The following PTK2 variants were observed in gnomAD, a reference collection of about 807,000 sequenced individuals.
The protein encoded by PTK2 is protein tyrosine kinase 2.
PTK2 carries 45 observed loss-of-function variants against 150.1 expected under a neutral mutation model. The ratio of observed to expected loss-of-function variants is 0.30; its 90% CI spans 0.24 to 0.38. The LOEUF (loss-of-function observed/expected upper bound fraction) is 0.38, where lower values mean the gene tolerates loss of function less well. PTK2 is among the 10% of genes least tolerant of loss of function. The pLI is 1.00. For missense variants in PTK2, 919 were observed against 1,307.3 expected (o/e 0.70, Z 4.58); for synonymous variants, 432 against 449.2 (o/e 0.96, Z 0.48).
intron 7 of PTK2, chr8:140,832,890 C>T: frequency 1.9e-6 from 1 of 518,962 alleles, no homozygotes; most frequent in South Asian, 1.4e-5. Context: ...AAGAAGGCAA[C>T]ACACACGTCA....
chr8:140,897,370 GA>G (rs903505931), intron 2 of PTK2, among the ~76,000 whole-genome samples: 21 of 144,722 alleles, frequency 1.5e-4, no homozygotes, highest in Admixed American at 6.8e-4. Flanking sequence ...CTTACCAAAA[GA>G]AAAAAAAAAG....
rs1432845059 is a variant in PTK2, at chr8:140,750,913, C to CAAAACA, written c.1417+1313_1417+1318dup. Among the ~76,000 whole-genome samples the CAAAACA allele has an allele frequency of 3.9e-5, 6 of 151,938 alleles. No individual in the cohort carries two copies. In the East Asian group the frequency reaches 7.7e-4, roughly 20 times the overall value. ...GAAACAGCAAAAACCTGTCTCTCCA[C>CAAAACA]AAAACAAAAACAAAAACAAAAAAAC... is the stretch of plus-strand genomic sequence containing the variant. On this transcript the variant is annotated intron_variant, in intron 17 of 31. Transcript: ENST00000522684.
At chr8:140,960,453 G>A (rs921437852) in intron 1 of PTK2, among the ~76,000 whole-genome samples, 3 of 151,788 alleles carry the variant, frequency 2.0e-5, no homozygotes, top group African/African-American at 7.3e-5. Flanking sequence ...CAAATGATAC[G>A]CCCACCTCGG....
chr8:140,818,328 C>T (rs2100106006), exon 10 of PTK2: 2 of 1,613,876 alleles, frequency 1.2e-6, no homozygotes, highest in Non-Finnish European at 1.7e-6. Flanking sequence ...GGCCGATTGC[C>T]AGTTCCACTG....
At chr8:140,940,226 A>G (rs902769234) in intron 1 of PTK2, among the ~76,000 whole-genome samples, 2 of 152,184 alleles carry the variant, frequency 1.3e-5, no homozygotes, top group African/African-American at 4.8e-5. Flanking sequence ...GTACATCAGG[A>G]AAGAAACACT....
chr8:140,980,484 T>C (rs190217166), intron 1 of PTK2, among the ~76,000 whole-genome samples: 14 of 151,856 alleles, frequency 9.2e-5, no homozygotes, highest in Admixed American at 2.6e-4. Context: ...TAGCCGGGCA[T>C]GGTGGTGGGC....
At chr8:140,859,043 TA>T (rs1229994242) in intron 5 of PTK2, among the ~76,000 whole-genome samples, 1 of 152,174 alleles carries the variant, frequency 6.6e-6, no homozygotes, top group African/African-American at 2.4e-5. Context: ...CTGAACAAAT[TA>T]TTTTTTTAAA....
intron 1 of PTK2, among the ~76,000 whole-genome samples, chr8:140,958,059 T>C (rs1025929287): frequency 2.0e-5 from 3 of 152,238 alleles, no homozygotes; most frequent in Non-Finnish European, 1.5e-5. Context: ...CTTGACATGT[T>C]ACATATTTTT....
chr8:140,669,840 C>T, intron 29 of PTK2, 105 bp from the exon 33 acceptor site: 3 of 1,291,132 alleles, frequency 2.3e-6, no homozygotes. Context: ...CCCATAAAAA[C>T]ACATGAGCAG....
At chr8:140,776,457 T>A (rs1237458597) in intron 14 of PTK2, among the ~76,000 whole-genome samples, 2 of 152,226 alleles carry the variant, frequency 1.3e-5, no homozygotes, top group Non-Finnish European at 2.9e-5. Context: ...ATATTCCCAG[T>A]GTAAACCCTA....
Position 140,730,962 on chromosome 8 carries a change from C to T in PTK2, c.2030+4289G>A, listed in dbSNP as rs572713350. The stretch of plus-strand genomic sequence containing the variant: ...CCAGGAATTAAATTAAACCCCCCCC[C>T]CCCTTTTTTTTTTGAGACAAAGTCT... On this transcript the variant is annotated intron_variant, in intron 22 of 31. Transcript: ENST00000522684. Among the ~76,000 whole-genome samples the T allele has an allele frequency of 4.2e-5, 6 of 142,490 alleles. No individual in the cohort carries two copies. In the South Asian group the frequency reaches 1.5e-3, roughly 36 times the overall value. The allele number at this position is 142,490 out of a possible 152,430, so 93.5% of individuals were successfully genotyped here. A position where few individuals can be genotyped will look rare whatever the true frequency, so the allele number is the denominator to read the frequency against.
At chr8:140,810,982 T>G (rs1267048650) in intron 10 of PTK2, among the ~76,000 whole-genome samples, 1 of 152,202 alleles carries the variant, frequency 6.6e-6, no homozygotes, top group East Asian at 1.9e-4. Context: ...GTGCTGCTAC[T>G]GCCACTGTAG....
chr8:140,782,364 C>T (rs1237682127), intron 14 of PTK2, among the ~76,000 whole-genome samples: 2 of 151,664 alleles, frequency 1.3e-5, no homozygotes, highest in Non-Finnish European at 2.9e-5. Context: ...CCTACCTCAG[C>T]CTTCTGAGTA....
chr8:140,783,891 G>C (rs2100083281), intron 14 of PTK2, among the ~76,000 whole-genome samples: 1 of 152,196 alleles, frequency 6.6e-6, no homozygotes, highest in African/African-American at 2.4e-5. Context: ...AGGCGTGGTG[G>C]CTCACGACTA....
chr8:140,782,453 G>C (rs2100082357), intron 14 of PTK2, among the ~76,000 whole-genome samples: 1 of 152,084 alleles, frequency 6.6e-6, no homozygotes, highest in South Asian at 2.1e-4. Context: ...GCCCAGGCTG[G>C]TCTCAAACTC....
intron 5 of PTK2, among the ~76,000 whole-genome samples, chr8:140,856,624 T>C (rs900197146): frequency 7.9e-5 from 12 of 152,106 alleles, no homozygotes; most frequent in African/African-American, 2.9e-4. Flanking sequence ...GGGCAATGAC[T>C]GGGGGCAAGG....
intron 1 of PTK2, among the ~76,000 whole-genome samples, chr8:140,986,637 C>G (rs1279408507): frequency 6.6e-6 from 1 of 152,176 alleles, no homozygotes; most frequent in Non-Finnish European, 1.5e-5. Context: ...AACCCCACTA[C>G]AGTAAGCAAG....
At chr8:140,673,933 C>T (rs980170529) in intron 29 of PTK2, among the ~76,000 whole-genome samples, 1 of 152,172 alleles carries the variant, frequency 6.6e-6, no homozygotes, top group Non-Finnish European at 1.5e-5. Context: ...AAAGTCCTCA[C>T]TTACCCCAAG....
At chr8:140,674,396 C>A (rs780152984) in exon 29 of PTK2, 1 of 1,592,672 alleles carries the variant, frequency 6.3e-7, no homozygotes, top group Non-Finnish European at 8.5e-7. Flanking sequence ...TTTGGTGGAG[C>A]TGCAGGATCT....
Sources: allele counts gnomAD v4.1 joint callset (sites outside exome capture counted in the v4.1 genomes callset), GRCh38; gene constraint gnomAD v4.1.1; transcripts MANE v1.5; gene names NCBI Gene and HGNC (gene_info 2026-07-23, HGNC 2026-07-21).